The following LDLRAD4 variants were observed in gnomAD, a reference collection of about 807,000 sequenced individuals.
LDLRAD4 encodes low density lipoprotein receptor class A domain containing 4, also known as low-density lipoprotein receptor class A domain-containing protein 4.
LDLRAD4 carries 5 observed loss-of-function variants against 17.0 expected under a neutral mutation model. The ratio of observed to expected loss-of-function variants is 0.29; its 90% CI spans 0.15 to 0.62. LDLRAD4 has a LOEUF of 0.62. LDLRAD4 is among the 20% of genes least tolerant of loss of function. The pLI is 0.84. For synonymous variants in LDLRAD4, 168 were observed against 171.8 expected (o/e 0.98, Z 0.17); for missense variants, 340 against 424.7 (o/e 0.80, Z 1.75).
In LDLRAD4 at chr18:13,467,456, C is replaced by T. The variant is rs917998064; in HGVS notation, c.181+29072C>T. Reference sequence around the variant, plus strand: ...TTTAACCCAGGAAGAAAGATTTGTACACTGAAAACAATACAAAATATTGCT... The same window carrying T: ...TTTAACCCAGGAAGAAAGATTTGTATACTGAAAACAATACAAAATATTGCT... On this transcript the variant is annotated intron_variant, in intron 3 of 5. Coordinates refer to ENST00000359446, the Ensembl canonical transcript of LDLRAD4. Among the ~76,000 whole-genome samples the T allele has an allele frequency of 3.3e-5, 5 of 152,264 alleles. No individual in the cohort carries two copies. In the East Asian group the frequency reaches 5.8e-4, roughly 18 times the overall value.
At chr18:13,489,875 AGGAG>A (rs1331298912) in intron 3 of LDLRAD4, 2 of 152,234 alleles carry the variant, frequency 1.3e-5, no homozygotes, top group African/African-American at 2.4e-5. Context: ...GGTTAGAAGA[AGGAG>A]GGAGGAGATT....
intron 1 of LDLRAD4, among the ~76,000 whole-genome samples, chr18:13,220,776 C>G (rs1444382805): frequency 6.6e-6 from 1 of 152,184 alleles, no homozygotes; most frequent in African/African-American, 2.4e-5. Context: ...TTGCTCTGGG[C>G]TGCTGCAGGG....
At chr18:13,409,717 C>T (rs1441753983) in intron 2 of LDLRAD4, among the ~76,000 whole-genome samples, 1 of 152,108 alleles carries the variant, frequency 6.6e-6, no homozygotes, top group Non-Finnish European at 1.5e-5. Flanking sequence ...AGATGAATTC[C>T]AGTTAGTACA....
At chr18:13,502,819 C>T (rs1454132590) in intron 3 of LDLRAD4, among the ~76,000 whole-genome samples, 1 of 152,252 alleles carries the variant, frequency 6.6e-6, no homozygotes, top group Non-Finnish European at 1.5e-5. Flanking sequence ...CAGAGCACAG[C>T]TGGTGGGGAA....
chr18:13,535,329 T>C (rs1380003105), intron 3 of LDLRAD4, among the ~76,000 whole-genome samples: 1 of 152,238 alleles, frequency 6.6e-6, no homozygotes, highest in African/African-American at 2.4e-5. Flanking sequence ...TCATCAACAC[T>C]TGATATTATC....
chr18:13,426,601 G>A (rs1287834194), intron 2 of LDLRAD4, among the ~76,000 whole-genome samples: 2 of 152,162 alleles, frequency 1.3e-5, no homozygotes, highest in East Asian at 1.9e-4. Context: ...GGGAGTGCAC[G>A]CAATAGCTTG....
chr18:13,625,225 G>A (rs990655601), intron 4 of LDLRAD4, among the ~76,000 whole-genome samples: 1 of 152,216 alleles, frequency 6.6e-6, no homozygotes, highest in African/African-American at 2.4e-5. Flanking sequence ...AACCTGGTGT[G>A]AGAAGTGCTG....
At chr18:13,415,127 G>A (rs1034851944) in intron 2 of LDLRAD4, among the ~76,000 whole-genome samples, 1 of 152,194 alleles carries the variant, frequency 6.6e-6, no homozygotes, top group Non-Finnish European at 1.5e-5. Context: ...TGGGAGGCTG[G>A]TTGTGGGGGC....
intron 3 of LDLRAD4, among the ~76,000 whole-genome samples, chr18:13,542,116 A>C (rs977488651): frequency 6.6e-6 from 1 of 152,238 alleles, no homozygotes; most frequent in African/African-American, 2.4e-5. Context: ...AGTTCTACTT[A>C]TATAACAGCA....
chr18:13,326,259 G>T (rs2081530963), intron 1 of LDLRAD4, among the ~76,000 whole-genome samples: 1 of 152,160 alleles, frequency 6.6e-6, no homozygotes, highest in South Asian at 2.1e-4. Flanking sequence ...TCCTTAAAGG[G>T]GGGAAGGCTC....
At chr18:13,644,290 G>A (rs369466916) in intron 5 of LDLRAD4, among the ~76,000 whole-genome samples, 2 of 151,822 alleles carry the variant, frequency 1.3e-5, no homozygotes, top group African/African-American at 2.4e-5. Flanking sequence ...AGTTCTGGCC[G>A]GCGCAGTAGC....
chr18:13,588,445 CTTT>C (rs75869417), intron 3 of LDLRAD4, among the ~76,000 whole-genome samples: 4 of 152,040 alleles, frequency 2.6e-5, no homozygotes, highest in Non-Finnish European at 5.9e-5. Flanking sequence ...GGAATTTTAT[CTTT>C]TTTCAGTGAA....
chr18:13,343,076 C>T (rs1295458971), intron 1 of LDLRAD4, among the ~76,000 whole-genome samples: 1 of 151,834 alleles, frequency 6.6e-6, no homozygotes, highest in East Asian at 1.9e-4. Flanking sequence ...CTATTGTTTC[C>T]TAAAACAATA....
intron 3 of LDLRAD4, among the ~76,000 whole-genome samples, chr18:13,594,689 A>AAAAAAAAAAAAAAAAAAAC (rs2095072647): frequency 6.7e-6 from 1 of 148,388 alleles, no homozygotes; most frequent in Non-Finnish European, 1.5e-5. Flanking sequence ...AAAAAAAAAA[A>AAAAAAAAAAAAAAAAAAAC]GAAACAGGAA....
chr18:13,225,071 A>G (rs539999758), intron 1 of LDLRAD4, among the ~76,000 whole-genome samples: 13 of 149,576 alleles, frequency 8.7e-5, no homozygotes, highest in African/African-American at 2.5e-4. Context: ...CCTCACCTCA[A>G]GTGATCCGCC....
chr18:13,556,993 C>T (rs530712029), intron 3 of LDLRAD4, among the ~76,000 whole-genome samples: 1 of 152,246 alleles, frequency 6.6e-6, no homozygotes, highest in African/African-American at 2.4e-5. Context: ...TTTCATCTGG[C>T]TTAAGGAGAT....
intron 3 of LDLRAD4, among the ~76,000 whole-genome samples, chr18:13,445,331 G>T (rs1291603090): frequency 6.6e-6 from 1 of 152,170 alleles, no homozygotes; most frequent in Admixed American, 6.5e-5. Flanking sequence ...GTGAGAATGT[G>T]TAGTTGTGTG....
At chr18:13,613,224 T>C (rs964261302) in intron 3 of LDLRAD4, 1 of 155,360 alleles carries the variant, frequency 6.4e-6, no homozygotes, top group African/African-American at 2.4e-5. Flanking sequence ...ATCCATGTAG[T>C]GACAGGAGCT....
chr18:13,273,140 C>T (rs1283289988), upstream of LDLRAD4, among the ~76,000 whole-genome samples: 1 of 152,044 alleles, frequency 6.6e-6, no homozygotes, highest in Non-Finnish European at 1.5e-5. Context: ...TGGGGTGGGT[C>T]CATCTGCAAT....
Sources: allele counts gnomAD v4.1 joint callset (sites outside exome capture counted in the v4.1 genomes callset), GRCh38; gene constraint gnomAD v4.1.1; transcripts MANE v1.5; gene names NCBI Gene and HGNC (gene_info 2026-07-23, HGNC 2026-07-21).